The following TEX9 variants were observed in gnomAD, a reference collection of about 807,000 sequenced individuals.
TEX9 encodes testis expressed 9.
Under a neutral mutation model 59.6 loss-of-function variants are expected in TEX9, and 74 were observed. That is an observed-to-expected ratio of 1.24 (90% confidence interval 1.03 to 1.51). The LOEUF (loss-of-function observed/expected upper bound fraction) is 1.51, where lower values mean the gene tolerates loss of function less well. Ranked by LOEUF, TEX9 falls within the 40% of genes most tolerant of loss-of-function variation. The pLI is 0.00. For missense variants in TEX9, 522 were observed against 447.8 expected, an observed-to-expected ratio of 1.17 and a Z score of -1.49; for synonymous variants, 186 against 152.2, an observed-to-expected ratio of 1.22 and a Z score of -1.64.
At chr15:56,276,349 G>A (rs2044668063) in intron 1 of TEX9, among the ~76,000 whole-genome samples, 1 of 151,884 alleles carries the variant, frequency 6.6e-6, no homozygotes, top group African/African-American at 2.4e-5. Flanking sequence ...ACCTTGACAG[G>A]CCCTGGTGTG....
At chr15:56,360,924 G>A (rs1393363291), upstream of TEX9, among the ~76,000 whole-genome samples, 1 of 152,164 alleles carries the variant, frequency 6.6e-6, no homozygotes, top group African/African-American at 2.4e-5. Flanking sequence ...CTCCAATAGA[G>A]GCTCTAGTCC....
At chr15:56,278,124 G>C (rs1005334162) in intron 1 of TEX9, among the ~76,000 whole-genome samples, 2 of 151,804 alleles carry the variant, frequency 1.3e-5, no homozygotes, top group Non-Finnish European at 1.5e-5. Context: ...TTTCCTATAT[G>C]TTCTTTACAA....
intron 1 of TEX9, among the ~76,000 whole-genome samples, chr15:56,310,461 C>G (rs761576127): frequency 1.3e-5 from 2 of 152,160 alleles, no homozygotes; most frequent in Non-Finnish European, 2.9e-5. Context: ...AAAAAAGAAA[C>G]TCTGCTAGTG....
chr15:56,382,306 C>T (rs1567111504), intron 3 of TEX9, among the ~76,000 whole-genome samples: 1 of 152,182 alleles, frequency 6.6e-6, no homozygotes, highest in African/African-American at 2.4e-5. Context: ...GTCTAAGAGT[C>T]AAATCCTGGA....
upstream of TEX9, chr15:56,244,008 G>A (rs1395526414): frequency 3.4e-5 from 5 of 148,400 alleles, no homozygotes; most frequent in Admixed American, 2.7e-4. Context: ...GCGGGCCAGC[G>A]GGCCAGGGAA....
chr15:56,415,725 C>A (rs1175030790), intron 10 of TEX9, among the ~76,000 whole-genome samples: 2 of 151,836 alleles, frequency 1.3e-5, no homozygotes, highest in Non-Finnish European at 2.9e-5. Flanking sequence ...TATTCAGGCT[C>A]TTTTGTGGTT....
chr15:56,359,863 T>C (rs1425599835), intron 1 of TEX9, among the ~76,000 whole-genome samples: 6 of 152,214 alleles, frequency 3.9e-5, no homozygotes, highest in Non-Finnish European at 8.8e-5. Flanking sequence ...TTCATTAAGC[T>C]GTAGATATTT....
chr15:56,416,261 G>C (rs1171908446), intron 10 of TEX9, among the ~76,000 whole-genome samples: 1 of 151,858 alleles, frequency 6.6e-6, no homozygotes, highest in East Asian at 1.9e-4. Context: ...ATGTTGAATA[G>C]TGTTGAGAGA....
rs549639014 is a variant in TEX9 at position 56,394,108 on chromosome 15, A to G, written c.572-57A>G. On this transcript the variant is annotated intron_variant, in intron 7 of 12. Coordinates refer to ENST00000352903, the Ensembl canonical transcript of TEX9. ...TTATAAAGTAATGGTCTGTCTTACAATTGATGTCATCTTAGATTCAGCAAA... is the reference window on the plus strand; with the variant it reads ...TTATAAAGTAATGGTCTGTCTTACAGTTGATGTCATCTTAGATTCAGCAAA... 15 of 1,486,110 alleles carry G rather than the reference A, an allele frequency of 1.0e-5. No homozygotes were observed. The East Asian group carries it at 1.8e-4, about 18-fold the overall frequency. 92.1% of individuals were successfully genotyped at this position (1,486,110 alleles called of 1,614,324 possible). A position where few individuals can be genotyped will look rare whatever the true frequency, so the allele number is the denominator to read the frequency against.
At chr15:56,403,210 T>A (rs1440080770) in intron 9 of TEX9, among the ~76,000 whole-genome samples, 1 of 152,256 alleles carries the variant, frequency 6.6e-6, no homozygotes, top group Non-Finnish European at 1.5e-5. Context: ...TGTTTGCAGA[T>A]GACATGATTG....
chr15:56,395,139 A>C, intron 9 of TEX9: 1 of 352,228 alleles, frequency 2.8e-6, no homozygotes, highest in Non-Finnish European at 5.0e-6. Context: ...GCTCCCCTCA[A>C]TCCCTTACAG....
At chr15:56,279,097 A>T (rs372553925) in intron 1 of TEX9, among the ~76,000 whole-genome samples, 3 of 152,158 alleles carry the variant, frequency 2.0e-5, no homozygotes, top group South Asian at 2.1e-4. Context: ...ACATATATAT[A>T]TTTTTAACTT....
chr15:56,246,485 G>T (rs1304479461), intron 1 of TEX9, among the ~76,000 whole-genome samples: 6 of 152,148 alleles, frequency 3.9e-5, no homozygotes, highest in African/African-American at 1.4e-4. Flanking sequence ...GAAATCTGAT[G>T]AAGTTACCCA....
intron 1 of TEX9, among the ~76,000 whole-genome samples, chr15:56,253,398 C>A (rs548313971): frequency 6.6e-6 from 1 of 152,138 alleles, no homozygotes; most frequent in Admixed American, 6.5e-5. Flanking sequence ...AAATATCAAC[C>A]CCAGAACTGA....
At chr15:56,347,263 A>G (rs1250382073) in intron 1 of TEX9, among the ~76,000 whole-genome samples, 1 of 152,156 alleles carries the variant, frequency 6.6e-6, no homozygotes, top group Non-Finnish European at 1.5e-5. Context: ...CAGGGGAACT[A>G]AAACAGGTTA....
chr15:56,292,757 C>T (rs1354313841), intron 1 of TEX9, among the ~76,000 whole-genome samples: 1 of 152,182 alleles, frequency 6.6e-6, no homozygotes, highest in Non-Finnish European at 1.5e-5. Flanking sequence ...TCCTGACATA[C>T]ATGCAGTGGT....
At chr15:56,370,942 C>T (rs899558379) in intron 2 of TEX9, among the ~76,000 whole-genome samples, 7 of 152,070 alleles carry the variant, frequency 4.6e-5, no homozygotes, top group Admixed American at 2.0e-4. Context: ...CTGCAACCTC[C>T]GCCTCCCAGG....
intron 1 of TEX9, among the ~76,000 whole-genome samples, chr15:56,301,011 T>C (rs1299993512): frequency 6.6e-6 from 1 of 152,168 alleles, no homozygotes; most frequent in African/African-American, 2.4e-5. Flanking sequence ...ATGAAATAAA[T>C]AAGGCACTTG....
At chr15:56,387,723 A>G (rs1264160127) in intron 4 of TEX9, among the ~76,000 whole-genome samples, 3 of 151,892 alleles carry the variant, frequency 2.0e-5, no homozygotes, top group African/African-American at 7.2e-5. Context: ...AAAGGGGCAG[A>G]TAGCAAATAT....
Sources: gnomAD v4.1 joint callset for allele counts (sites outside exome capture counted in the v4.1 genomes callset) on GRCh38, gnomAD v4.1.1 for gene constraint, MANE v1.5 for transcripts, NCBI Gene and HGNC (gene_info 2026-07-23, HGNC 2026-07-21) for gene names.